PHYKPL: variants seen among roughly 807,000 people sequenced by gnomAD.
The protein encoded by PHYKPL is 5-phosphonooxy-L-lysine phospho-lyase.
PHYKPL carries 42 observed loss-of-function variants against 51.3 expected under a neutral mutation model. The observed-to-expected ratio is 0.82, with a 90% CI of 0.64 to 1.06. PHYKPL has a LOEUF of 1.06. Among genes scored for constraint, PHYKPL ranks in the 50% least tolerant of loss-of-function variants. PHYKPL has a pLI of 0.00. For synonymous variants in PHYKPL, 264 were observed against 236.0 expected, an observed-to-expected ratio of 1.12 and a Z score of -1.09; for missense variants, 655 against 586.6, an observed-to-expected ratio of 1.12 and a Z score of -1.20.
At chr5:178,218,946 G>A (rs1167071540) in intron 8 of PHYKPL, among the ~76,000 whole-genome samples, 1 of 152,130 alleles carries the variant, frequency 6.6e-6, no homozygotes, top group East Asian at 1.9e-4. Flanking sequence ...TGAAAACAGA[G>A]CAAGACTCCG....
At chr5:178,222,283 A>T (rs1409292866) in intron 8 of PHYKPL, 72 bp downstream of exon 8, 1 of 1,375,096 alleles carries the variant, frequency 7.3e-7, no homozygotes, top group Non-Finnish European at 1.0e-6. Flanking sequence ...GCCTTTGCTG[A>T]CTAAGGACAG....
intron 3 of PHYKPL, 152 bp downstream of exon 3, chr5:178,229,788 G>T: frequency 1.1e-6 from 1 of 874,526 alleles, no homozygotes; most frequent in Non-Finnish European, 1.7e-6. Context: ...GAAAGCATCA[G>T]GGCCTACAGC....
Position 178,222,479 on chromosome 5 carries a change from T to C in PHYKPL, c.803A>G (p.Asp268Gly). 6.2e-7 allele frequency: 1 copy of C among 1,614,246 alleles called. No homozygotes were observed. Among genetic ancestry groups the C allele is most frequent in the Non-Finnish European group, 8.5e-7 (1 of 1,180,040 alleles). The change falls in exon 8 of 13, where the codon GAC becomes GGC. Residue 268 changes from aspartate (D) to glycine (G), a missense_variant. Physicochemically the swap from Asp to Gly is moderately conservative, Grantham distance 94. Transcript: ENST00000308158. ...CATGGTGACGATGTCAGGGACGAAG[T>C]CTTTTCCCTGGAGCTGGAAGGCCCA... is the stretch of plus-strand genomic sequence containing the variant. ...HFWAFQLQGK[D>G]FVPDIVTMGK...
At chr5:178,209,761 A>T (rs1757616723) in intron 12 of PHYKPL, among the ~76,000 whole-genome samples, 1 of 152,118 alleles carries the variant, frequency 6.6e-6, no homozygotes. Flanking sequence ...GGTAGGCAGA[A>T]GGGTGGGTAG....
intron 8 of PHYKPL, among the ~76,000 whole-genome samples, chr5:178,220,726 A>AC (rs1210084755): frequency 1.6e-5 from 1 of 64,380 alleles, no homozygotes; most frequent in Non-Finnish European, 3.0e-5. Context: ...AATTGCAAAA[A>AC]AAAAAAAAAA....
chr5:178,210,197 G>A (rs762545928), intron 12 of PHYKPL: 1 of 1,613,220 alleles, frequency 6.2e-7, no homozygotes, highest in South Asian at 1.1e-5. Context: ...CTACCAGCAG[G>A]GCTACGGGCC....
rs1581404601 is a variant in PHYKPL at position 178,232,478 on chromosome 5, C to G, written c.59+14G>C. ...AGCCCCGCGCCCCCCGCCGCCCGCC[C>G]CCCGCCCGGGTACCTGATGAGCCGT... is the stretch of plus-strand genomic sequence containing the variant. On this transcript the variant is annotated intron_variant, in intron 1 of 12. Coordinates refer to ENST00000308158, the MANE Select transcript of PHYKPL (RefSeq NM_153373.4). The G allele has an allele frequency of 2.2e-6, 3 of 1,367,312 alleles. No homozygotes were observed. The highest frequency in any genetic ancestry group is 5.3e-4 in the Middle Eastern group (2 of 3,758). 84.7% of individuals were successfully genotyped at this position (1,367,312 alleles called of 1,614,324 possible).
At chr5:178,219,915 G>A (rs963016832) in intron 8 of PHYKPL, among the ~76,000 whole-genome samples, 4 of 151,950 alleles carry the variant, frequency 2.6e-5, no homozygotes, top group Admixed American at 1.3e-4. Flanking sequence ...GATATAGGCC[G>A]GGTGCAGTGG....
chr5:178,223,102 A>G (rs975783777), intron 6 of PHYKPL, among the ~76,000 whole-genome samples, 168 bp from the exon 7 acceptor site: 2 of 152,178 alleles, frequency 1.3e-5, no homozygotes, highest in Non-Finnish European at 2.9e-5. Flanking sequence ...GTTTTCTCTC[A>G]GGCCTCCAGC....
chr5:178,225,682 T>G (rs1391956022), intron 3 of PHYKPL: 3 of 524,506 alleles, frequency 5.7e-6, no homozygotes, highest in Admixed American at 6.4e-5. Context: ...GAAAGTTGTT[T>G]TGAAAAAACC....
chr5:178,210,572 C>A, intron 12 of PHYKPL: 1 of 1,614,078 alleles, frequency 6.2e-7, no homozygotes, highest in Non-Finnish European at 8.5e-7. Flanking sequence ...GTACAAACTA[C>A]GGCAAGAGCC....
At chr5:178,210,418 T>C in intron 12 of PHYKPL, 1 of 1,534,604 alleles carries the variant, frequency 6.5e-7, no homozygotes. Context: ...GCCTTAGACT[T>C]CGGGGTCTTA....
chr5:178,220,279 A>G, intron 8 of PHYKPL, among the ~76,000 whole-genome samples: 1 of 151,356 alleles, frequency 6.6e-6, no homozygotes, highest in Non-Finnish European at 1.5e-5. Flanking sequence ...CGGGCGGATT[A>G]CCTGAGGTCA....
In PHYKPL at chr5:178,222,506, A is replaced by C. The variant is rs1298704365; in HGVS notation, c.776T>G (p.Phe259Cys). The C allele has an allele frequency of 1.2e-6, 2 of 1,614,144 alleles. No individual in the cohort carries two copies. Among genetic ancestry groups the C allele is most frequent in the East Asian group, 4.5e-5 (2 of 44,900 alleles). ...QVGFGRVGKH[F>C]WAFQLQGKDF... is the part of the protein sequence containing the mutation. ...TTTTCCCTGGAGCTGGAAGGCCCAG[A>C]AGTGCTTGCCTACCCGGCCAAAGCC... The change falls in exon 8 of 13, where the codon TTC (phenylalanine) becomes TGC (cysteine). Residue 259 changes from phenylalanine (F) to cysteine (C), a missense_variant. Coordinates refer to ENST00000308158, the MANE Select transcript of PHYKPL (RefSeq NM_153373.4).
chr5:178,212,091 C>T, intron 11 of PHYKPL, 121 bp from the exon 12 acceptor site: 1 of 1,007,670 alleles, frequency 9.9e-7, no homozygotes, highest in Non-Finnish European at 1.5e-6. Flanking sequence ...TATCCACACC[C>T]ATGTCCCATT....
intron 8 of PHYKPL, among the ~76,000 whole-genome samples, chr5:178,217,783 G>A (rs1168310295): frequency 4.7e-5 from 7 of 149,838 alleles, no homozygotes; most frequent in East Asian, 2.0e-4. Context: ...GCGTGAACCC[G>A]GGAGGCAGAG....
Position 178,232,580 on chromosome 5 carries a change from G to A in PHYKPL, c.-30C>T. The A allele has an allele frequency of 6.4e-6, 8 of 1,251,080 alleles. No homozygotes were observed. Among genetic ancestry groups the A allele is most frequent in the Non-Finnish European group, 8.0e-6 (8 of 999,310 alleles). The allele number at this position is 1,251,080 out of a possible 1,614,324, so 77.5% of individuals were successfully genotyped here. On this transcript the variant is annotated 5_prime_UTR_variant, in exon 1 of 13. Coordinates refer to ENST00000308158, the MANE Select transcript of PHYKPL (RefSeq NM_153373.4). ...GGTGGCCGTCAGTCGGTGCCGTGAC[G>A]CCACGCGGAGACGTCGCCGCGCGGG...
chr5:178,216,079 G>A (rs996127201), intron 8 of PHYKPL: 8 of 152,204 alleles, frequency 5.3e-5, no homozygotes, highest in South Asian at 2.1e-4. Flanking sequence ...GGTGACAAAT[G>A]TATGTACCTG....
intron 12 of PHYKPL, chr5:178,210,794 C>G: frequency 1.6e-6 from 1 of 638,516 alleles, no homozygotes; most frequent in Non-Finnish European, 2.8e-6. Context: ...TTCCAGAGCT[C>G]TAGGTGTTTA....
Sources: allele counts gnomAD v4.1 joint callset (sites outside exome capture counted in the v4.1 genomes callset), GRCh38; gene constraint gnomAD v4.1.1; transcripts MANE v1.5; gene names NCBI Gene and HGNC (gene_info 2026-07-23, HGNC 2026-07-21).